TNRC6A: variants seen among roughly 807,000 people sequenced by gnomAD.
TNRC6A encodes trinucleotide repeat-containing gene 6A protein.
In TNRC6A, 44 loss-of-function variants were observed where a neutral mutation model predicts 221.2. That is an observed-to-expected ratio of 0.20 (90% CI 0.16 to 0.26). The LOEUF (loss-of-function observed/expected upper bound fraction) is 0.26. TNRC6A is among the 10% of genes least tolerant of loss of function. The probability of loss-of-function intolerance (pLI) is 1.00; values close to 1 mark genes in which losing one functional copy is unlikely to be tolerated. For missense variants in TNRC6A, 2,199 were observed against 2,404.4 expected, an observed-to-expected ratio of 0.91 and a Z score of 1.79; for synonymous variants, 847 against 838.5, an observed-to-expected ratio of 1.01 and a Z score of -0.18.
chr16:24,621,720 C>G (rs1900686372), intron 1 of TNRC6A, among the ~76,000 whole-genome samples: 1 of 152,018 alleles, frequency 6.6e-6, no homozygotes, highest in Admixed American at 6.6e-5. Flanking sequence ...GCATTTTTTC[C>G]TGTTACTATT....
rs918270180 is a variant in TNRC6A, at chr16:24,790,653, G to A, written c.2011G>A (p.Glu671Lys). 3.1e-6 allele frequency: 5 copies of A among 1,614,104 alleles called. No individual in the cohort carries two copies. In the African/African-American group the frequency reaches 6.7e-5, roughly 22 times the overall value. Residue 671 changes from glutamate to lysine, a missense_variant, in exon 6 of 25, where the codon GAG (glutamate) becomes AAG (lysine). By Grantham distance (56) the Glu-to-Lys change is moderately conservative (BLOSUM62 1). Transcript: ENST00000395799. Reference protein sequence around the residue: ...SVWAKTGGTVESDGSTESTGR... With the variant: ...SVWAKTGGTVKSDGSTESTGR... ...GTGGGCCAAAACAGGAGGTACAGTG[G>A]AGAGCGATGGTAGTACAGAAAGCAC...
intron 2 of TNRC6A, among the ~76,000 whole-genome samples, chr16:24,670,688 G>A (rs777063407): frequency 7.9e-5 from 12 of 152,106 alleles, no homozygotes; most frequent in Non-Finnish European, 1.5e-4. Context: ...CTGAAGAAAT[G>A]AGATTCGGAT....
Position 24,777,193 on chromosome 16 carries a change from C to T in TNRC6A, c.424C>T (p.His142Tyr). ...YPREVPPRFR[H>Y]QEHKQLLKRG... ...TCGTGAAGTACCTCCACGATTTCGC[C>T]ACCAGGAACACAAACAGCTTCTAAA... The change falls in exon 5 of 25, where the codon CAC becomes TAC. Residue 142 changes from histidine to tyrosine, a missense_variant. His to Tyr is a moderately conservative substitution (Grantham distance 83). Transcript: ENST00000395799. The T allele has an allele frequency of 6.2e-7, 1 of 1,614,174 alleles. No individual in the cohort carries two copies. The highest frequency in any genetic ancestry group is 2.2e-5 in the East Asian group (1 of 44,884).
chr16:24,778,174 G>A (rs955310251), intron 5 of TNRC6A, among the ~76,000 whole-genome samples: 9 of 152,194 alleles, frequency 5.9e-5, no homozygotes, highest in African/African-American at 2.2e-4. Flanking sequence ...TTACATCCCG[G>A]TGCCCCCATA....
chr16:24,779,438 ATCTT>A (rs1195180132), intron 5 of TNRC6A, among the ~76,000 whole-genome samples: 3 of 152,218 alleles, frequency 2.0e-5, no homozygotes, highest in Admixed American at 6.5e-5. Context: ...ACATTAAAAC[ATCTT>A]TCTAAGTGTT....
At chr16:24,775,093 T>C (rs990279996) in intron 4 of TNRC6A, among the ~76,000 whole-genome samples, 7 of 152,222 alleles carry the variant, frequency 4.6e-5, no homozygotes, top group Admixed American at 3.9e-4. Context: ...TAGAATATTC[T>C]AGTGCCATAT....
intron 5 of TNRC6A, among the ~76,000 whole-genome samples, chr16:24,788,753 A>C (rs1032665332): frequency 2.0e-5 from 3 of 148,120 alleles, no homozygotes; most frequent in Non-Finnish European, 4.4e-5. Context: ...GGTTCATGCC[A>C]TTCTCCTGCC....
At chr16:24,786,315 GTTTT>G (rs1163997701) in intron 5 of TNRC6A, among the ~76,000 whole-genome samples, 3 of 112,206 alleles carry the variant, frequency 2.7e-5, no homozygotes, top group African/African-American at 8.9e-5. Flanking sequence ...TGTTGTTGTT[GTTTT>G]GTTTTGTTTT....
chr16:24,689,989 TAAAAAAAAAAAAAAAAAAAAAA>T (rs60944175), intron 2 of TNRC6A, among the ~76,000 whole-genome samples: 18 of 97,496 alleles, frequency 1.8e-4, no homozygotes, highest in Admixed American at 6.3e-4. Flanking sequence ...AGGCTTAAAG[TAAAAAAAAAAAAAAAAAAAAAA>T]AAAAAAAAAA....
At chr16:24,729,148 C>T (rs1482221336), upstream of TNRC6A, among the ~76,000 whole-genome samples, 2 of 151,920 alleles carry the variant, frequency 1.3e-5, no homozygotes, top group Non-Finnish European at 2.9e-5. Context: ...GCCTCACAAC[C>T]CGCCTCAGGT....
chr16:24,722,627 T>A (rs1016724683), intron 2 of TNRC6A, among the ~76,000 whole-genome samples: 3 of 151,890 alleles, frequency 2.0e-5, no homozygotes, highest in Non-Finnish European at 2.9e-5. Flanking sequence ...GGAGACAGGG[T>A]CTCACCATGT....
Position 24,653,334 on chromosome 16 carries a change from C to T in TNRC6A, n.402+12325C>T, listed in dbSNP as rs180869551. ...TGTGGAAAACAAAGCCCTTCGGAAT[C>T]GATTTTTAAAATCTAGCTACATCCT... On this transcript the variant is annotated intron_variant and non_coding_transcript_variant, in intron 2 of 2. Coordinates refer to the TNRC6A transcript ENST00000566108. 4.5e-4 allele frequency among the ~76,000 whole-genome samples: 68 copies of T among 152,166 alleles called. No homozygotes were observed. The East Asian group carries it at 8.5e-3, about 19-fold the overall frequency.
At chr16:24,806,346 T>C in intron 16 of TNRC6A, 63 bp downstream of exon 16, 1 of 1,575,534 alleles carries the variant, frequency 6.3e-7, no homozygotes, top group Non-Finnish European at 8.7e-7. Context: ...TTATCTCCAT[T>C]GTAGCAAGAG....
intron 2 of TNRC6A, among the ~76,000 whole-genome samples, chr16:24,666,668 A>AATAT (rs1555487102): frequency 0.02 from 1,283 of 65,034 alleles, 21 homozygotes; most frequent in East Asian, 0.023. Context: ...AAAAAAAAAA[A>AATAT]ATATATATAT....
intron 14 of TNRC6A, 142 bp from the exon 15 acceptor site, chr16:24,805,459 CAGTT>C (rs2058410876): frequency 2.5e-6 from 3 of 1,179,990 alleles, no homozygotes; most frequent in Non-Finnish European, 1.2e-6. Context: ...AGTGAGTGGT[CAGTT>C]AGTAAGACAG....
At chr16:24,614,346 TG>T (rs1400898850) in intron 1 of TNRC6A, among the ~76,000 whole-genome samples, 1 of 152,020 alleles carries the variant, frequency 6.6e-6, no homozygotes, top group African/African-American at 2.4e-5. Context: ...TACCACTTGT[TG>T]GGTGGAGGTA....
intron 2 of TNRC6A, among the ~76,000 whole-genome samples, chr16:24,710,366 G>A (rs1380829824): frequency 5.3e-5 from 8 of 152,174 alleles, no homozygotes; most frequent in South Asian, 4.1e-4. Flanking sequence ...CCAGCACTTC[G>A]AGAGGCTGAG....
intron 2 of TNRC6A, among the ~76,000 whole-genome samples, chr16:24,714,217 T>C (rs762788020): frequency 3.9e-5 from 6 of 152,058 alleles, no homozygotes; most frequent in Non-Finnish European, 8.8e-5. Context: ...CTTTTTTTCC[T>C]GTCTTCTTCG....
chr16:24,793,492 G>T lies in TNRC6A; in HGVS notation c.3195G>T (p.Gly1065=). The T allele has an allele frequency of 6.7e-7, 1 of 1,502,292 alleles. No homozygotes were observed. Among genetic ancestry groups the T allele is most frequent in the East Asian group, 2.5e-5 (1 of 40,032 alleles). The allele number at this position is 1,502,292 out of a possible 1,614,324, so 93.1% of individuals were successfully genotyped here. Residue 1065 remains glycine (G), a synonymous_variant, in exon 7 of 25, where the codon GGG becomes GGT. Coordinates refer to ENST00000395799, the MANE Select transcript of TNRC6A (RefSeq NM_014494.4). ...CTAAAGGCTGGGGTGAGCCCTGGGG[G>T]GAGCCTTCTACTCCAGCCACAACTG... ...SSGSGWGEPW[G]EPSTPATTVD...
Sources: allele counts gnomAD v4.1 joint callset (sites outside exome capture counted in the v4.1 genomes callset), GRCh38; gene constraint gnomAD v4.1.1; transcripts MANE v1.5; gene names NCBI Gene and HGNC (gene_info 2026-07-23, HGNC 2026-07-21).